The following KIF13B variants were observed in gnomAD, a reference collection of about 807,000 sequenced individuals.
The protein encoded by KIF13B is kinesin-like protein KIF13B.
In KIF13B, 127 loss-of-function variants were observed where a neutral mutation model predicts 222.0. The ratio of observed to expected loss-of-function variants is 0.57; its 90% CI spans 0.50 to 0.66. The LOEUF is 0.66. KIF13B is among the 30% of genes least tolerant of loss of function. The pLI is 0.00. For missense variants in KIF13B, 2,173 were observed against 2,379.0 expected (o/e 0.91, Z 1.80); for synonymous variants, 976 against 919.0 (o/e 1.06, Z -1.12).
At chr8:29,219,040 G>A (rs1234563879) in intron 2 of KIF13B, 2 of 152,268 alleles carry the variant, frequency 1.3e-5, no homozygotes, top group Non-Finnish European at 2.9e-5. Flanking sequence ...TCTGCAAAGA[G>A]AAGAAAATCT....
At chr8:29,198,864 G>T (rs1271720033) in intron 2 of KIF13B, among the ~76,000 whole-genome samples, 9 of 152,136 alleles carry the variant, frequency 5.9e-5, no homozygotes, top group African/African-American at 2.2e-4. Flanking sequence ...TGGGAATTAA[G>T]CTATGAGCAT....
At chr8:29,199,087 T>TTTTTTTTTTTTTTTTTTTTTA (rs1563781453) in intron 2 of KIF13B, among the ~76,000 whole-genome samples, 1 of 151,820 alleles carries the variant, frequency 6.6e-6, no homozygotes, top group South Asian at 2.1e-4. Context: ...ATAAAATTTT[T>TTTTTTTTTTTTTTTTTTTTTA]TAAAAAATAG....
At chr8:29,133,989 G>A (rs1310716936) in intron 22 of KIF13B, 51 bp downstream of exon 22, 3 of 1,528,696 alleles carry the variant, frequency 2.0e-6, no homozygotes, top group Non-Finnish European at 2.7e-6. Flanking sequence ...TTTCTGTTTT[G>A]TTTTCACATG....
chr8:29,156,096 G>A (rs1811513171), intron 13 of KIF13B, among the ~76,000 whole-genome samples: 1 of 152,036 alleles, frequency 6.6e-6, no homozygotes, highest in African/African-American at 2.4e-5. Context: ...AGCCACCCGA[G>A]TAGCTGGGAT....
rs538851654 is a variant in KIF13B, at chr8:29,191,025, C to T, written c.195G>A (p.Met65Ile). ...VFAYDHCFWSMDESVKEKYAG... is the reference protein window; with the variant it reads ...VFAYDHCFWSIDESVKEKYAG... ...CATACTTTTCTTTGACAGATTCATC[C>T]ATAGACCAGAAACAATGATCATAAG... Residue 65 changes from methionine to isoleucine, a missense_variant, in exon 4 of 40, where the codon ATG (methionine) becomes ATA (isoleucine). By Grantham distance (10) the Met-to-Ile change is conservative. Around this residue, in one of 2 missense-constraint regions of KIF13B, gnomAD observed 1,480 missense variants for 1,722.8 expected, o/e 0.86. Coordinates refer to ENST00000524189, the MANE Select transcript of KIF13B (RefSeq NM_015254.4). The T allele has an allele frequency of 7.4e-6, 12 of 1,612,758 alleles. No individual in the cohort carries two copies. In the South Asian group the frequency reaches 1.3e-4, roughly 18 times the overall value.
chr8:29,091,807 T>C (rs1334746715), intron 37 of KIF13B, among the ~76,000 whole-genome samples: 2 of 152,250 alleles, frequency 1.3e-5, no homozygotes, highest in African/African-American at 4.8e-5. Flanking sequence ...CTAAATACAA[T>C]TTAAACAGCT....
intron 12 of KIF13B, among the ~76,000 whole-genome samples, chr8:29,161,311 G>T (rs552457874): frequency 2.6e-5 from 4 of 152,140 alleles, no homozygotes; most frequent in Non-Finnish European, 4.4e-5. Context: ...GGATCACAAG[G>T]CCCTTCAACC....
At chr8:29,132,580 GT>G in intron 22 of KIF13B, 115 bp from the exon 23 acceptor site, 1 of 628,958 alleles carries the variant, frequency 1.6e-6, no homozygotes, top group Non-Finnish European at 2.4e-6. Flanking sequence ...AAAATGGAAT[GT>G]TTTAGTTATA....
chr8:29,111,679 G>A (rs765604787), intron 32 of KIF13B, among the ~76,000 whole-genome samples: 1 of 152,162 alleles, frequency 6.6e-6, no homozygotes, highest in Admixed American at 6.5e-5. Context: ...AAGAAACTAA[G>A]TGGGAGAGAA....
At chr8:29,122,703 C>A (rs982500086) in intron 28 of KIF13B, 57 bp from the exon 29 acceptor site, 4 of 1,378,060 alleles carry the variant, frequency 2.9e-6, no homozygotes, top group Admixed American at 1.9e-5. Flanking sequence ...GTGGCATGCA[C>A]GTAGGAACAC....
intron 21 of KIF13B, among the ~76,000 whole-genome samples, chr8:29,137,829 G>A (rs1810634938): frequency 6.6e-6 from 1 of 152,148 alleles, no homozygotes; most frequent in Admixed American, 6.5e-5. Context: ...CGGAAAACAA[G>A]AAAGCTACCC....
At chr8:29,185,946 C>T (rs892314611) in intron 6 of KIF13B, among the ~76,000 whole-genome samples, 2 of 152,232 alleles carry the variant, frequency 1.3e-5, no homozygotes, top group African/African-American at 4.8e-5. Context: ...CTTTACAAGT[C>T]TGTGCCATGA....
At chr8:29,115,391 A>G (rs1470078051) in intron 31 of KIF13B, among the ~76,000 whole-genome samples, 2 of 151,500 alleles carry the variant, frequency 1.3e-5, no homozygotes, top group African/African-American at 2.4e-5. Flanking sequence ...CAACGGTGCA[A>G]TCTTGGCTCA....
At position 29,165,701 on chromosome 8, in the gene KIF13B, G is replaced by A; in HGVS notation, c.1230C>T (p.Thr410=). ...CCGTTTTCCTTAATTTCTCCTCCCA[G>A]GTCACAGTCATTTCCTGGATTAGCT... ...SEKLIQEMTV[T]WEEKLRKTEE... The change falls in exon 12 of 40, where the codon ACC becomes ACT. Residue 410 remains threonine (T), a synonymous_variant. Coordinates refer to ENST00000524189, the MANE Select transcript of KIF13B (RefSeq NM_015254.4). The A allele has an allele frequency of 6.2e-7, 1 of 1,613,674 alleles. No individual in the cohort carries two copies. Among genetic ancestry groups the A allele is most frequent in the Non-Finnish European group, 8.5e-7 (1 of 1,179,636 alleles).
chr8:29,187,004 A>C (rs1288963804), intron 5 of KIF13B, among the ~76,000 whole-genome samples: 1 of 151,674 alleles, frequency 6.6e-6, no homozygotes, highest in Non-Finnish European at 1.5e-5. Context: ...AAACTTATTT[A>C]ATCATCCTCA....
intron 2 of KIF13B, among the ~76,000 whole-genome samples, chr8:29,233,622 G>A (rs1032648765): frequency 1.3e-5 from 2 of 152,164 alleles, no homozygotes; most frequent in African/African-American, 4.8e-5. Flanking sequence ...ATATTAGTGA[G>A]GGCAATAACA....
chr8:29,072,437 G>A (rs1807343664), intron 38 of KIF13B, 121 bp from the exon 39 acceptor site: 1 of 559,868 alleles, frequency 1.8e-6, no homozygotes, highest in South Asian at 6.7e-5. Flanking sequence ...TGTAACCCCA[G>A]TGCTTATGGA....
chr8:29,113,533 T>A lies in KIF13B; in HGVS notation c.3860A>T (p.Lys1287Ile), dbSNP rs1225259268. 1 of 1,586,514 alleles carries A rather than the reference T, an allele frequency of 6.3e-7. No homozygotes were observed. The highest frequency in any genetic ancestry group is 1.2e-5 in the South Asian group (1 of 86,874). Residue 1287 changes from lysine (K) to isoleucine (I), a missense_variant, in exon 32 of 40, where the codon AAA (lysine) becomes ATA (isoleucine). This residue lies in a region of KIF13B where 1,480 missense variants were observed against 1,722.8 expected (regional missense o/e 0.86). Transcript: ENST00000524189. ...AATAGAACTTCGATGAGACATCTTT[T>A]TTAGGAGACTCTGTGCAAAACCCTA... is the stretch of plus-strand genomic sequence containing the variant. The part of the protein sequence containing the change: ...GRQGFAQSLL[K>I]KMSHRSSIPG...
intron 2 of KIF13B, among the ~76,000 whole-genome samples, chr8:29,211,489 G>C (rs976746500): frequency 1.3e-5 from 2 of 152,202 alleles, no homozygotes; most frequent in Non-Finnish European, 2.9e-5. Context: ...CCAGGGATGA[G>C]AGACCTGAGA....
Sources: gnomAD v4.1 joint callset for allele counts (sites outside exome capture counted in the v4.1 genomes callset) on GRCh38, gnomAD v4.1.1 for gene constraint, gnomAD v4.1.1 regional missense constraint, MANE v1.5 for transcripts, NCBI Gene and HGNC (gene_info 2026-07-23, HGNC 2026-07-21) for gene names.